GLRB: variants seen among roughly 807,000 people sequenced by gnomAD.
GLRB encodes glycine receptor beta.
GLRB carries 33 observed loss-of-function variants against 54.2 expected under a neutral mutation model. That is an observed-to-expected ratio of 0.61 (90% CI 0.46 to 0.81). The LOEUF is 0.81. Ranked by LOEUF, GLRB falls within the 40% of genes least tolerant of loss-of-function variation. The pLI is 0.00. For synonymous variants in GLRB, 209 were observed against 208.2 expected (o/e 1.00, Z -0.03); for missense variants, 572 against 584.6 (o/e 0.98, Z 0.22).
chr4:157,092,948 A>T (rs2126456639), intron 2 of GLRB, among the ~76,000 whole-genome samples: 1 of 152,316 alleles, frequency 6.6e-6, no homozygotes, highest in South Asian at 2.1e-4. Flanking sequence ...ACCGCTAGCT[A>T]GTGGCAGATT....
intron 2 of GLRB, among the ~76,000 whole-genome samples, chr4:157,113,351 T>C (rs903440188): frequency 2.0e-5 from 3 of 151,878 alleles, no homozygotes; most frequent in African/African-American, 7.2e-5. Flanking sequence ...GTGTTTGGAT[T>C]GAGGTTTAAC....
chr4:157,078,893 C>G (rs1268368520), intron 2 of GLRB, among the ~76,000 whole-genome samples: 1 of 152,136 alleles, frequency 6.6e-6, no homozygotes, highest in Non-Finnish European at 1.5e-5. Context: ...CTGCCTCAGC[C>G]TCCCAAGTAG....
chr4:157,122,776 A>G (rs1432758684), intron 4 of GLRB, among the ~76,000 whole-genome samples: 1 of 151,704 alleles, frequency 6.6e-6, no homozygotes. Flanking sequence ...TTTTTCTTCC[A>G]ATTTCCTGAG....
chr4:157,159,658 C>G (rs1459399993), intron 9 of GLRB, among the ~76,000 whole-genome samples: 1 of 152,104 alleles, frequency 6.6e-6, no homozygotes, highest in Non-Finnish European at 1.5e-5. Context: ...TATGTTGAAC[C>G]AGCCTTGCAT....
At chr4:157,130,958 T>C (rs1399372483) in intron 4 of GLRB, among the ~76,000 whole-genome samples, 1 of 151,718 alleles carries the variant, frequency 6.6e-6, no homozygotes, top group Non-Finnish European at 1.5e-5. Context: ...AAAGAAATAA[T>C]GCTGAAATTA....
intron 2 of GLRB, among the ~76,000 whole-genome samples, chr4:157,083,556 T>C (rs62330454): frequency 0.18 from 27,823 of 152,134 alleles, 2,704 homozygotes; most frequent in East Asian, 0.28. Flanking sequence ...ACTGATATAA[T>C]GTGATTTCAA....
intron 7 of GLRB, among the ~76,000 whole-genome samples, chr4:157,142,938 C>T (rs1217722080): frequency 6.6e-6 from 1 of 152,040 alleles, no homozygotes; most frequent in Non-Finnish European, 1.5e-5. Context: ...TAATCTCGAA[C>T]ATCTGGAAAT....
chr4:157,136,733 T>A (rs199756308), intron 5 of GLRB, 35 bp downstream of exon 5: 1 of 1,523,532 alleles, frequency 6.6e-7, no homozygotes, highest in East Asian at 2.3e-5. Flanking sequence ...TGCATTTATA[T>A]TTTCCTTCTA....
intron 4 of GLRB, among the ~76,000 whole-genome samples, chr4:157,134,364 C>A (rs1435523147): frequency 6.6e-6 from 1 of 151,872 alleles, no homozygotes; most frequent in Non-Finnish European, 1.5e-5. Flanking sequence ...CGAGACCAGC[C>A]AGGCCAACAT....
intron 6 of GLRB, among the ~76,000 whole-genome samples, chr4:157,138,313 A>T (rs1736482262): frequency 6.6e-6 from 1 of 152,088 alleles, no homozygotes; most frequent in Non-Finnish European, 1.5e-5. Context: ...TGACCTCGTG[A>T]TCCACCCGCC....
chr4:157,156,629 C>T (rs1737237881), intron 9 of GLRB, among the ~76,000 whole-genome samples: 1 of 152,018 alleles, frequency 6.6e-6, no homozygotes, highest in Admixed American at 6.6e-5. Flanking sequence ...TTTACATTTT[C>T]CTGTTGATCT....
At chr4:157,132,616 G>A (rs1236606450) in intron 4 of GLRB, among the ~76,000 whole-genome samples, 1 of 151,584 alleles carries the variant, frequency 6.6e-6, no homozygotes, top group Non-Finnish European at 1.5e-5. Flanking sequence ...CATCCCTTAG[G>A]GTCTTTACCA....
chr4:157,168,510 T>C (rs1197910183), intron 9 of GLRB, among the ~76,000 whole-genome samples: 1 of 152,168 alleles, frequency 6.6e-6, no homozygotes, highest in Non-Finnish European at 1.5e-5. Context: ...AAAATCATGC[T>C]ATTAAATACT....
At chr4:157,155,610 C>T (rs1737197472) in intron 9 of GLRB, among the ~76,000 whole-genome samples, 1 of 152,116 alleles carries the variant, frequency 6.6e-6, no homozygotes, top group South Asian at 2.1e-4. Flanking sequence ...GTATTGTGTT[C>T]ACTTCCTTCT....
intron 2 of GLRB, among the ~76,000 whole-genome samples, chr4:157,086,208 T>A (rs911032984): frequency 1.3e-5 from 2 of 152,228 alleles, no homozygotes; most frequent in African/African-American, 4.8e-5. Flanking sequence ...GACATGTTTA[T>A]GTTTGGAATG....
chr4:157,111,826 A>T (rs1735430136), intron 2 of GLRB, among the ~76,000 whole-genome samples: 1 of 151,896 alleles, frequency 6.6e-6, no homozygotes, highest in Non-Finnish European at 1.5e-5. Flanking sequence ...CTCTTTCTCA[A>T]CTGAAAAAAA....
chr4:157,121,942 A>C (rs935244581), intron 3 of GLRB, among the ~76,000 whole-genome samples: 3 of 151,600 alleles, frequency 2.0e-5, no homozygotes, highest in African/African-American at 7.3e-5. Flanking sequence ...CTGATTAGAA[A>C]AATGCAAAAA....
chr4:157,120,421 TAAAA>T, intron 2 of GLRB, 131 bp from the exon 3 acceptor site: 1 of 272,660 alleles, frequency 3.7e-6, no homozygotes. Context: ...ATAAAATAAA[TAAAA>T]AAAAGAAGAA....
chr4:157,142,764 T>A (rs1472323574), intron 7 of GLRB, among the ~76,000 whole-genome samples: 1 of 152,152 alleles, frequency 6.6e-6, no homozygotes, highest in Non-Finnish European at 1.5e-5. Context: ...TTAAAAAAAT[T>A]ATATAGAGTT....
Sources: gnomAD v4.1 joint callset for allele counts (sites outside exome capture counted in the v4.1 genomes callset) on GRCh38, gnomAD v4.1.1 for gene constraint, MANE v1.5 for transcripts, NCBI Gene and HGNC (gene_info 2026-07-23, HGNC 2026-07-21) for gene names.